FUT8: variants seen among roughly 807,000 people sequenced by gnomAD.
FUT8 encodes the protein alpha-(1,6)-fucosyltransferase.
In FUT8, 29 loss-of-function variants were observed where a neutral mutation model predicts 71.3. The observed-to-expected ratio is 0.41, with a 90% CI of 0.30 to 0.55. The LOEUF (loss-of-function observed/expected upper bound fraction) is 0.55, where lower values mean the gene tolerates loss of function less well. Ranked by LOEUF, FUT8 falls within the 20% of genes least tolerant of loss-of-function variation. The probability of loss-of-function intolerance (pLI) is 0.34; values close to 1 mark genes in which losing one functional copy is unlikely to be tolerated. For synonymous variants in FUT8, 254 were observed against 239.3 expected (o/e 1.06, Z -0.57); for missense variants, 544 against 702.1 (o/e 0.77, Z 2.55).
At chr14:65,558,870 A>G (rs528832252) in intron 2 of FUT8, among the ~76,000 whole-genome samples, 1 of 150,660 alleles carries the variant, frequency 6.6e-6, no homozygotes, top group Admixed American at 6.6e-5. Flanking sequence ...ACATAGTTCA[A>G]ATGATGCTAT....
intron 2 of FUT8, among the ~76,000 whole-genome samples, chr14:65,526,471 A>G (rs1286713968): frequency 1.3e-5 from 2 of 152,150 alleles, no homozygotes; most frequent in Non-Finnish European, 2.9e-5. Context: ...CATGTGAGAC[A>G]GGTCTCCTGA....
At chr14:65,376,132 G>C in the FUT8 span, among the ~76,000 whole-genome samples, 1 of 151,586 alleles carries the variant, frequency 6.6e-6, no homozygotes, top group Admixed American at 6.6e-5. Flanking sequence ...AATAAGAAAA[G>C]GTGTGTATTC....
intron 6 of FUT8, among the ~76,000 whole-genome samples, chr14:65,640,747 A>G (rs1566869389): frequency 2.6e-5 from 4 of 151,360 alleles, no homozygotes; most frequent in Non-Finnish European, 5.9e-5. Context: ...CACTAAGAGA[A>G]CTGATATATT....
chr14:65,527,363 T>C (rs28808288), intron 2 of FUT8, among the ~76,000 whole-genome samples: 1,582 of 152,354 alleles, frequency 0.01, 29 homozygotes, highest in African/African-American at 0.036. Context: ...AATCAGCTAC[T>C]GAAGCTTGTG....
At chr14:65,462,994 G>T (rs371459143) in intron 2 of FUT8, among the ~76,000 whole-genome samples, 1 of 152,194 alleles carries the variant, frequency 6.6e-6, no homozygotes, top group South Asian at 2.1e-4. Context: ...CACACAAATT[G>T]TACTAAGTGT....
At chr14:65,580,729 T>C (rs1887045279) in intron 3 of FUT8, among the ~76,000 whole-genome samples, 1 of 152,058 alleles carries the variant, frequency 6.6e-6, no homozygotes, top group Non-Finnish European at 1.5e-5. Context: ...GGGAAGTTCA[T>C]ACTCTGTCTT....
In FUT8 at chr14:65,587,522, G is replaced by A. The variant is rs191121015; in HGVS notation, c.203+25756G>A. Among the ~76,000 whole-genome samples the A allele has an allele frequency of 3.5e-3, 529 of 152,288 alleles. 2 individuals are homozygous for A. Among genetic ancestry groups the A allele is most frequent in the African/African-American group, 0.012 (502 of 41,576 alleles). On this transcript the variant is annotated intron_variant, in intron 3 of 10. Coordinates refer to ENST00000673929, the MANE Select transcript of FUT8 (RefSeq NM_001371533.1). ...CAAAGAGAACAAATAGTATGTGTGT[G>A]TATAGGCTGAAAAATTTTACCAAGA...
intron 1 of FUT8, among the ~76,000 whole-genome samples, chr14:65,428,565 G>C (rs76616146): frequency 6.6e-6 from 1 of 152,056 alleles, no homozygotes; most frequent in African/African-American, 2.4e-5. Context: ...CACCCCAAAC[G>C]GACTAAGACA....
chr14:65,742,170 C>T lies in FUT8; in HGVS notation c.1488C>T (p.Ile496=), dbSNP rs1260197938. The change falls in exon 11 of 11, where the codon ATC becomes ATT. Residue 496 remains isoleucine, a synonymous_variant. Transcript: ENST00000673929. ...CAAACTTCCATTCTTTAGATGACAT[C>T]TACTATTTTGGGGGCCAGAATGCCC... ...ASANFHSLDD[I]YYFGGQNAHN... 1.2e-6 allele frequency: 2 copies of T among 1,613,108 alleles called. No individual in the cohort carries two copies. Among genetic ancestry groups the T allele is most frequent in the Non-Finnish European group, 1.7e-6 (2 of 1,179,396 alleles).
chr14:65,387,085 G>A, the FUT8 span, among the ~76,000 whole-genome samples: 7 of 152,092 alleles, frequency 4.6e-5, no homozygotes, highest in East Asian at 5.8e-4. Flanking sequence ...AAGGTGATCC[G>A]CCTGCCTTGG....
At chr14:65,407,562 C>A (rs1376545620), upstream of FUT8, among the ~76,000 whole-genome samples, 1 of 152,124 alleles carries the variant, frequency 6.6e-6, no homozygotes, top group African/African-American at 2.4e-5. Context: ...CTTGGCTTCC[C>A]AAAATGTTGA....
chr14:65,622,801 A>G (rs936555621), intron 5 of FUT8, among the ~76,000 whole-genome samples: 1 of 151,862 alleles, frequency 6.6e-6, no homozygotes, highest in African/African-American at 2.4e-5. Context: ...TTGCCCATGG[A>G]TTTGACTTTG....
intron 4 of FUT8, 54 bp downstream of exon 4, chr14:65,616,147 T>A (rs1889273394): frequency 1.4e-5 from 23 of 1,593,954 alleles, no homozygotes; most frequent in Non-Finnish European, 1.9e-5. Flanking sequence ...TTAGCACAGA[T>A]AATTGAAAGT....
chr14:65,363,916 G>A, the FUT8 span, among the ~76,000 whole-genome samples: 6 of 152,242 alleles, frequency 3.9e-5, 1 homozygote, highest in African/African-American at 1.2e-4. Context: ...TTTGTTACAG[G>A]GGCCCCAGCC....
chr14:65,611,217 GCGCGCGCACACACACACACACA>G (rs1566851087), intron 3 of FUT8, among the ~76,000 whole-genome samples: 3 of 3,178 alleles, frequency 9.4e-4, no homozygotes, highest in African/African-American at 1.5e-3. Flanking sequence ...GCGCGCGCGC[GCGCGCGCACACACACACACACA>G]CACACACACA....
At chr14:65,432,661 G>A (rs1490174741) in intron 1 of FUT8, among the ~76,000 whole-genome samples, 1 of 152,064 alleles carries the variant, frequency 6.6e-6, no homozygotes, top group Non-Finnish European at 1.5e-5. Context: ...TAATAAAACA[G>A]GTTGCAGTTA....
rs1221807743 is a variant in FUT8, at chr14:65,607,850, T to G, written c.204-8128T>G. On this transcript the variant is annotated intron_variant, in intron 3 of 10. Coordinates refer to ENST00000673929, the MANE Select transcript of FUT8 (RefSeq NM_001371533.1). This position sits in a 1 kb window ranked among gnomAD's most constrained non-coding sequence, Gnocchi z 4.1. ...AGGCTGAAGTGGGCAGATCATGAGG[T>G]CAGGAGATCGAGACCATTACTGGCC... Among the ~76,000 whole-genome samples the G allele has an allele frequency of 3.3e-5, 5 of 151,564 alleles. No individual in the cohort carries two copies.
At chr14:65,576,687 C>G (rs1886791797) in intron 3 of FUT8, among the ~76,000 whole-genome samples, 1 of 120,798 alleles carries the variant, frequency 8.3e-6, no homozygotes, top group African/African-American at 3.3e-5. Context: ...TGCCATGATG[C>G]CCAGCTTGCT....
chr14:65,712,319 T>A (rs1223421374), intron 7 of FUT8, among the ~76,000 whole-genome samples: 3 of 152,236 alleles, frequency 2.0e-5, no homozygotes, highest in Non-Finnish European at 2.9e-5. Context: ...GGAAATTTAA[T>A]TCTGAAAGTA....
Sources: allele counts gnomAD v4.1 joint callset (sites outside exome capture counted in the v4.1 genomes callset), GRCh38; gene constraint gnomAD v4.1.1; non-coding constraint Gnocchi (gnomAD v3.1); transcripts MANE v1.5; gene names NCBI Gene and HGNC (gene_info 2026-07-23, HGNC 2026-07-21).